LTBP1: variants seen among roughly 807,000 people sequenced by gnomAD.
The protein encoded by LTBP1 is latent-transforming growth factor beta-binding protein 1.
A neutral mutation model predicts 207.6 loss-of-function variants in LTBP1; 129 were observed. The observed-to-expected ratio is 0.62, with a 90% CI of 0.54 to 0.72. LTBP1 has a LOEUF of 0.72. Among genes scored for constraint, LTBP1 ranks in the 30% least tolerant of loss-of-function variants. The pLI is 0.00. For missense variants in LTBP1, 2,281 were observed against 2,217.2 expected (o/e 1.03, Z -0.58); for synonymous variants, 963 against 833.7 (o/e 1.16, Z -2.67).
chr2:32,950,524 A>T (rs1269861929), intron 2 of LTBP1, among the ~76,000 whole-genome samples: 2 of 146,482 alleles, frequency 1.4e-5, no homozygotes, highest in East Asian at 4.0e-4. Context: ...GCTCCACTGC[A>T]CTCCAGCCTG....
chr2:33,138,447 CTT>C (rs200975479), intron 5 of LTBP1, among the ~76,000 whole-genome samples: 3 of 145,740 alleles, frequency 2.1e-5, no homozygotes, highest in East Asian at 2.0e-4. Context: ...ATGATAATGA[CTT>C]TTTTTTTTTT....
chr2:33,365,140 A>T (rs917758169), intron 30 of LTBP1, among the ~76,000 whole-genome samples, 193 bp from the exon 31 acceptor site: 2 of 152,174 alleles, frequency 1.3e-5, no homozygotes, highest in African/African-American at 4.8e-5. Flanking sequence ...CTGGAATTTC[A>T]ACTGATGGAA....
intron 30 of LTBP1, among the ~76,000 whole-genome samples, chr2:33,364,649 T>A (rs2094963056): frequency 6.6e-6 from 1 of 152,160 alleles, no homozygotes; most frequent in South Asian, 2.1e-4. Flanking sequence ...CAGAGGCAGC[T>A]GAGGGAAATG....
chr2:33,079,321 A>G (rs1246034943), intron 3 of LTBP1, among the ~76,000 whole-genome samples: 1 of 152,130 alleles, frequency 6.6e-6, no homozygotes, highest in Non-Finnish European at 1.5e-5. Context: ...TATCACAGTG[A>G]AATGGGAACA....
chr2:33,030,332 C>T (rs3820914), intron 3 of LTBP1, among the ~76,000 whole-genome samples: 11,769 of 152,124 alleles, frequency 0.077, 865 homozygotes, highest in East Asian at 0.3. Flanking sequence ...CATTCCTTAC[C>T]CCCTGGGCAC....
intron 18 of LTBP1, 77 bp from the exon 19 acceptor site, chr2:33,279,962 G>A (rs192281100): frequency 2.7e-5 from 41 of 1,509,154 alleles, no homozygotes; most frequent in East Asian, 2.3e-4. Flanking sequence ...GCTTTCCCCC[G>A]CTGCCTTCAT....
intron 5 of LTBP1, among the ~76,000 whole-genome samples, chr2:33,171,839 T>G (rs1470499962): frequency 6.6e-6 from 1 of 151,672 alleles, no homozygotes; most frequent in East Asian, 1.9e-4. Context: ...CAGAAGAGAG[T>G]GGGGGCCAAT....
chr2:33,230,833 T>G (rs1349688103), intron 9 of LTBP1, among the ~76,000 whole-genome samples: 1 of 152,234 alleles, frequency 6.6e-6, no homozygotes, highest in Non-Finnish European at 1.5e-5. Flanking sequence ...CCAAAGTCAC[T>G]TACCAGTTTC....
intron 32 of LTBP1, among the ~76,000 whole-genome samples, chr2:33,394,303 G>T (rs141523566): frequency 0.13 from 19,386 of 152,088 alleles, 1,465 homozygotes; most frequent in Non-Finnish European, 0.16. Flanking sequence ...AGTCTAATTA[G>T]ATCCCATTTG....
At chr2:33,343,701 T>A (rs1359762558) in intron 25 of LTBP1, among the ~76,000 whole-genome samples, 1 of 152,218 alleles carries the variant, frequency 6.6e-6, no homozygotes, top group African/African-American at 2.4e-5. Flanking sequence ...ATTGTGCAAC[T>A]GTATTTCCTC....
chr2:33,067,981 A>G (rs549386102), intron 3 of LTBP1, among the ~76,000 whole-genome samples: 2 of 152,356 alleles, frequency 1.3e-5, no homozygotes, highest in African/African-American at 4.8e-5. Context: ...ACAGAAGAAT[A>G]TAATAAAAAT....
At chr2:33,006,863 G>A (rs992942164) in intron 2 of LTBP1, among the ~76,000 whole-genome samples, 7 of 151,990 alleles carry the variant, frequency 4.6e-5, no homozygotes, top group African/African-American at 9.7e-5. Context: ...CAGATGCATC[G>A]TGTGTTTTGT....
At chr2:33,385,728 T>G (rs1057201923) in intron 31 of LTBP1, among the ~76,000 whole-genome samples, 1 of 152,152 alleles carries the variant, frequency 6.6e-6, no homozygotes, top group Non-Finnish European at 1.5e-5. Flanking sequence ...AGGGCAGATG[T>G]GCATGATGGG....
intron 23 of LTBP1, among the ~76,000 whole-genome samples, 186 bp from the exon 24 acceptor site, chr2:33,314,958 C>T (rs2094244862): frequency 6.6e-6 from 1 of 152,156 alleles, no homozygotes; most frequent in Non-Finnish European, 1.5e-5. Flanking sequence ...TTTCCTAACT[C>T]AACCTAAATA....
intron 4 of LTBP1, among the ~76,000 whole-genome samples, chr2:33,133,987 G>A (rs573185670): frequency 4.0e-4 from 61 of 152,226 alleles, no homozygotes; most frequent in Non-Finnish European, 6.9e-4. Flanking sequence ...TTTAAGAGAA[G>A]GCCACGCTAA....
At chr2:33,161,541 A>G (rs2148134464) in intron 5 of LTBP1, among the ~76,000 whole-genome samples, 1 of 152,332 alleles carries the variant, frequency 6.6e-6, no homozygotes, top group East Asian at 1.9e-4. Flanking sequence ...TGTTGGCATT[A>G]CAGGCGTGAG....
rs70938398 is a variant in LTBP1, at chr2:33,382,074, C to CTTTTTTTTTTTTTTTTTTT, written c.4712-7090_4712-7072dup. ...TACAGCAGTTAGCGCCCTACTGCTT[C>CTTTTTTTTTTTTTTTTTTT]TTTTTTTTTTTTTTTTTTTTTTTTT... On this transcript the variant is annotated intron_variant, in intron 31 of 33. Coordinates refer to ENST00000404816, the MANE Select transcript of LTBP1 (RefSeq NM_206943.4). 6.4e-5 allele frequency among the ~76,000 whole-genome samples: 3 copies of CTTTTTTTTTTTTTTTTTTT among 46,784 alleles called. 1 individual carries two copies. The highest frequency in any genetic ancestry group is 1.2e-4 in the Non-Finnish European group (3 of 24,954). The allele number at this position is 46,784 out of a possible 152,430, so 30.7% of individuals were successfully genotyped here. A position where few individuals can be genotyped will look rare whatever the true frequency, so the allele number is the denominator to read the frequency against.
intron 7 of LTBP1, among the ~76,000 whole-genome samples, chr2:33,196,414 CAAACTT>C (rs1227119846): frequency 1.1e-4 from 17 of 151,928 alleles, no homozygotes; most frequent in Non-Finnish European, 2.4e-4. Flanking sequence ...TTTTTAGAAA[CAAACTT>C]AAAGTTTTTA....
chr2:33,176,199 A>G (rs1307713252), intron 5 of LTBP1, among the ~76,000 whole-genome samples: 1 of 149,154 alleles, frequency 6.7e-6, no homozygotes, highest in Non-Finnish European at 1.5e-5. Flanking sequence ...AAGAAATAAA[A>G]TCCAATTTTG....
Sources: allele counts gnomAD v4.1 joint callset (sites outside exome capture counted in the v4.1 genomes callset), GRCh38; gene constraint gnomAD v4.1.1; transcripts MANE v1.5; gene names NCBI Gene and HGNC (gene_info 2026-07-23, HGNC 2026-07-21).